Variants in ATP6V1A observed in about 807,000 individuals in gnomAD.
ATP6V1A encodes V-type proton ATPase catalytic subunit A.
ATP6V1A carries 18 observed loss-of-function variants against 70.1 expected under a neutral mutation model. The ratio of observed to expected loss-of-function variants is 0.26; its 90% CI spans 0.18 to 0.38. ATP6V1A has a LOEUF of 0.38. Among genes scored for constraint, ATP6V1A ranks in the 10% least tolerant of loss-of-function variants. The probability of loss-of-function intolerance (pLI) is 1.00; values close to 1 mark genes in which losing one functional copy is unlikely to be tolerated. For synonymous variants in ATP6V1A, 232 were observed against 253.8 expected, an observed-to-expected ratio of 0.91 and a Z score of 0.82; for missense variants, 424 against 772.4, an observed-to-expected ratio of 0.55 and a Z score of 5.35.
intron 6 of ATP6V1A, among the ~76,000 whole-genome samples, chr3:113,788,272 A>G (rs894964877): frequency 6.6e-6 from 1 of 151,842 alleles, no homozygotes; most frequent in Non-Finnish European, 1.5e-5. Flanking sequence ...TATATTTCAT[A>G]GTGCTTTTTC....
Position 113,786,235 on chromosome 3 carries a change from G to A in ATP6V1A, c.568G>A (p.Val190Ile), listed in dbSNP as rs1243173774. The change falls in exon 6 of 15, where the codon GTT becomes ATT. Residue 190 changes from valine (V) to isoleucine (I), a missense_variant. Physicochemically the swap from Val to Ile is conservative, Grantham distance 29 (BLOSUM62 3). Around this residue, in one of 9 missense-constraint regions of ATP6V1A, gnomAD observed 139 missense variants for 163.5 expected, o/e 0.85. Transcript: ENST00000273398. ...APPGNYDTSD[V>I]VLELEFEGVK... Reference sequence around the variant, plus strand: ...AAATCCTACTGTATTTCTATAGGATGTTGTCTTGGAGCTTGAATTTGAAGG... The same window carrying A: ...AAATCCTACTGTATTTCTATAGGATATTGTCTTGGAGCTTGAATTTGAAGG... 1.2e-6 allele frequency: 2 copies of A among 1,603,482 alleles called. No individual in the cohort carries two copies. Among genetic ancestry groups the A allele is most frequent in the Admixed American group, 1.7e-5 (1 of 58,966 alleles).
At chr3:113,752,305 T>A (rs1391813370) in intron 1 of ATP6V1A, among the ~76,000 whole-genome samples, 1 of 151,842 alleles carries the variant, frequency 6.6e-6, no homozygotes, top group East Asian at 1.9e-4. Context: ...TAGAGAAGAC[T>A]AATTGAATTG....
chr3:113,790,041 C>G lies in ATP6V1A; in HGVS notation c.988+201C>G, dbSNP rs9863050. On this transcript the variant is annotated intron_variant, in intron 8 of 14. Transcript: ENST00000273398. ...TCCCAGTACTTTGGGAGGCCCAGGC[C>G]GGCAGATCACTTGAGGTCAGGAGTT... Among the ~76,000 whole-genome samples the G allele has an allele frequency of 0.35, 53,769 of 151,820 alleles. 9,650 individuals are homozygous for G. Among genetic ancestry groups the G allele is most frequent in the African/African-American group, 0.38 (15,697 of 41,392 alleles).
intron 1 of ATP6V1A, among the ~76,000 whole-genome samples, chr3:113,758,169 C>CT (rs1179438485): frequency 6.6e-5 from 10 of 152,082 alleles, no homozygotes; most frequent in Admixed American, 4.6e-4. Flanking sequence ...AAGAAATACT[C>CT]TATTAGTCAA....
intron 1 of ATP6V1A, among the ~76,000 whole-genome samples, chr3:113,762,668 A>G (rs1577081805): frequency 6.6e-6 from 1 of 152,310 alleles, no homozygotes; most frequent in African/African-American, 2.4e-5. Context: ...AAGGTTCAGG[A>G]TTCAGGAAGA....
chr3:113,769,113 A>G (rs1301660590), intron 1 of ATP6V1A, among the ~76,000 whole-genome samples: 1 of 152,226 alleles, frequency 6.6e-6, no homozygotes, highest in African/African-American at 2.4e-5. Context: ...AATCTGCCAC[A>G]TAAGCCATTC....
At position 113,789,738 on chromosome 3, in the gene ATP6V1A, A is replaced by G. The variant is rs757566599; in HGVS notation, c.886A>G (p.Met296Val). ...EVLRDFPELT[M>V]EVDGKVESIM... ...ATATATATTTTACCTCTAGCTCACA[A>G]TGGAGGTTGATGGTAAGGTAGAGTC... is the stretch of plus-strand genomic sequence containing the variant. Residue 296 changes from methionine (M) to valine (V), a missense_variant, in exon 8 of 15, where the codon ATG becomes GTG. By Grantham distance (21) the Met-to-Val change is conservative (BLOSUM62 1). Coordinates refer to ENST00000273398, the MANE Select transcript of ATP6V1A (RefSeq NM_001690.4). 6.2e-7 allele frequency: 1 copy of G among 1,604,692 alleles called. No homozygotes were observed. Among genetic ancestry groups the G allele is most frequent in the Non-Finnish European group, 8.5e-7 (1 of 1,171,578 alleles).
chr3:113,782,923 T>C (rs1208195552), intron 3 of ATP6V1A, among the ~76,000 whole-genome samples: 1 of 152,148 alleles, frequency 6.6e-6, no homozygotes, highest in Non-Finnish European at 1.5e-5. Flanking sequence ...CTTGCTTTTT[T>C]TCACTTAAAA....
intron 1 of ATP6V1A, among the ~76,000 whole-genome samples, chr3:113,769,340 C>G (rs1403369848): frequency 6.6e-6 from 1 of 152,000 alleles, no homozygotes; most frequent in Non-Finnish European, 1.5e-5. Context: ...GGTTATAATC[C>G]ATTAGATTCT....
intron 1 of ATP6V1A, among the ~76,000 whole-genome samples, chr3:113,758,793 A>G (rs1708672075): frequency 6.6e-6 from 1 of 152,202 alleles, no homozygotes; most frequent in Non-Finnish European, 1.5e-5. Context: ...TCTACTAGCA[A>G]TATGTGAGTG....
chr3:113,747,783 T>C (rs1038361298), intron 1 of ATP6V1A, among the ~76,000 whole-genome samples: 4 of 151,926 alleles, frequency 2.6e-5, no homozygotes, highest in Middle Eastern at 3.4e-3. Context: ...AAACAGGAGG[T>C]GTTAGTAATG....
chr3:113,799,508 T>A (rs1444643001), intron 12 of ATP6V1A, among the ~76,000 whole-genome samples: 1 of 152,168 alleles, frequency 6.6e-6, no homozygotes, highest in Non-Finnish European at 1.5e-5. Flanking sequence ...ATTTAAAAAC[T>A]AGGATTAAGA....
chr3:113,777,566 G>A (rs1193404403), intron 1 of ATP6V1A, among the ~76,000 whole-genome samples: 1 of 152,136 alleles, frequency 6.6e-6, no homozygotes, highest in Non-Finnish European at 1.5e-5. Context: ...GACCGGCCTA[G>A]GCAAAATACT....
intron 1 of ATP6V1A, among the ~76,000 whole-genome samples, chr3:113,749,263 T>TCACACACACACACACACACACA (rs58516178): frequency 1.4e-5 from 2 of 141,162 alleles, no homozygotes; most frequent in African/African-American, 5.3e-5. Context: ...TATACACAGA[T>TCACACACACACACACACACACA]CACACACACA....
At chr3:113,752,854 G>A (rs1445140046) in intron 1 of ATP6V1A, among the ~76,000 whole-genome samples, 1 of 152,078 alleles carries the variant, frequency 6.6e-6, no homozygotes, top group East Asian at 1.9e-4. Flanking sequence ...ACTGATTTCA[G>A]ATGGATTAGA....
At chr3:113,788,507 T>C (rs1159146318) in intron 6 of ATP6V1A, among the ~76,000 whole-genome samples, 2 of 144,172 alleles carry the variant, frequency 1.4e-5, no homozygotes, top group Non-Finnish European at 3.1e-5. Context: ...CTAATTTTTC[T>C]TTTTTTTTTT....
intron 12 of ATP6V1A, among the ~76,000 whole-genome samples, chr3:113,801,830 T>G (rs1709215570): frequency 3.9e-5 from 6 of 151,924 alleles, no homozygotes. Flanking sequence ...AATATATATT[T>G]TACATGAATT....
intron 3 of ATP6V1A, among the ~76,000 whole-genome samples, chr3:113,782,875 G>A (rs1708995075): frequency 6.6e-6 from 1 of 151,688 alleles, no homozygotes; most frequent in Non-Finnish European, 1.5e-5. Flanking sequence ...ACCTGCCCCG[G>A]CCTCCCAAGA....
intron 1 of ATP6V1A, among the ~76,000 whole-genome samples, chr3:113,763,997 TGGGAGGCCGAAGC>T (rs1708737657): frequency 6.6e-6 from 1 of 152,106 alleles, no homozygotes; most frequent in African/African-American, 2.4e-5. Context: ...CCCAGCACTT[TGGGAGGCCGAAGC>T]GGGAGGATCA....
Sources: gnomAD v4.1 joint callset for allele counts (sites outside exome capture counted in the v4.1 genomes callset) on GRCh38, gnomAD v4.1.1 for gene constraint, gnomAD v4.1.1 regional missense constraint, MANE v1.5 for transcripts, NCBI Gene and HGNC (gene_info 2026-07-23, HGNC 2026-07-21) for gene names.